The following SHROOM3 variants were observed in gnomAD, a reference collection of about 807,000 sequenced individuals.
SHROOM3 encodes shroom family member 3.
In SHROOM3, 47 loss-of-function variants were observed where a neutral mutation model predicts 138.6. That is an observed-to-expected ratio of 0.34 (90% confidence interval 0.27 to 0.43). The LOEUF is 0.43. Among genes scored for constraint, SHROOM3 ranks in the 20% least tolerant of loss-of-function variants. SHROOM3 has a pLI of 1.00. For missense variants in SHROOM3, 2,491 were observed against 2,596.5 expected (o/e 0.96, Z 0.88); for synonymous variants, 1,062 against 1,063.3 (o/e 1.00, Z 0.02).
rs1299193335 is a variant in SHROOM3 at position 76,763,560 on chromosome 4, G to A, written c.5349+3865G>A. Among the ~76,000 whole-genome samples, 3 of 151,812 alleles carry A rather than the reference G, an allele frequency of 2.0e-5. No individual in the cohort carries two copies. The East Asian group carries it at 5.8e-4, about 29-fold the overall frequency. ...AGCCTGAGTGACAGAGTGAGACCCT[G>A]TCTCAAAAAAGAAAAAAAAATTACC... On this transcript the variant is annotated intron_variant, in intron 9 of 10. Transcript: ENST00000296043.
chr4:76,776,374 G>C (rs2109798298), intron 10 of SHROOM3, among the ~76,000 whole-genome samples: 1 of 152,278 alleles, frequency 6.6e-6, no homozygotes, highest in Non-Finnish European at 1.5e-5. Flanking sequence ...AGTTTGCAAA[G>C]ATTTTCTCCC....
chr4:76,600,978 A>G (rs1734493282), intron 2 of SHROOM3, among the ~76,000 whole-genome samples: 1 of 152,218 alleles, frequency 6.6e-6, no homozygotes, highest in Middle Eastern at 3.2e-3. Context: ...CTGTATTTTT[A>G]TACTACTCTA....
At chr4:76,710,369 G>T (rs1720196127) in intron 3 of SHROOM3, 82 bp downstream of exon 3, 18 of 1,550,570 alleles carry the variant, frequency 1.2e-5, no homozygotes, top group Admixed American at 1.8e-5. Context: ...GAGAGGAGTC[G>T]GGGGCAAGGA....
chr4:76,707,319 T>C (rs989255481), intron 2 of SHROOM3, among the ~76,000 whole-genome samples: 6 of 152,204 alleles, frequency 3.9e-5, no homozygotes, highest in Non-Finnish European at 7.3e-5. Flanking sequence ...ATTCCATGTG[T>C]GGTTTGAGCA....
Position 76,739,404 on chromosome 4 carries a change from C to T in SHROOM3, c.1231C>T (p.Arg411Trp), listed in dbSNP as rs143726434. ...CTCCTGGTCTAGCCTTGATCAGAAA[C>T]GGCTCTGCCGGCCTCAGGCAAACTC... ...PSSWSSLDQKRLCRPQANSLG... is the reference protein window; with the variant it reads ...PSSWSSLDQKWLCRPQANSLG... Residue 411 changes from arginine to tryptophan, a missense_variant, in exon 5 of 11, where the codon CGG (arginine) becomes TGG (tryptophan). By Grantham distance (101) the Arg-to-Trp change is moderately radical. Coordinates refer to ENST00000296043, the MANE Select transcript of SHROOM3 (RefSeq NM_020859.4). The T allele has an allele frequency of 1.5e-5, 24 of 1,614,136 alleles. No homozygotes were observed. The highest frequency in any genetic ancestry group is 3.3e-5 in the Admixed American group (2 of 60,034).
At chr4:76,668,788 G>A (rs1718795146) in intron 2 of SHROOM3, among the ~76,000 whole-genome samples, 1 of 152,182 alleles carries the variant, frequency 6.6e-6, no homozygotes, top group African/African-American at 2.4e-5. Flanking sequence ...CAGAGGGGAG[G>A]TGTCTACTGA....
chr4:76,480,341 C>T (rs1171561980), intron 1 of SHROOM3, among the ~76,000 whole-genome samples: 1 of 152,104 alleles, frequency 6.6e-6, no homozygotes, highest in Non-Finnish European at 1.5e-5. Context: ...GGGTTGCAAT[C>T]CTAGTCTCTG....
Position 76,740,547 on chromosome 4 carries a change from G to T in SHROOM3, c.2374G>T (p.Glu792Ter). 1 of 1,614,158 alleles carries T rather than the reference G, an allele frequency of 6.2e-7. No homozygotes were observed. Residue 792 changes from glutamate to a stop codon, truncating the protein, a stop_gained, in exon 5 of 11, where the codon GAG becomes TAG. Coordinates refer to ENST00000296043, the MANE Select transcript of SHROOM3 (RefSeq NM_020859.4). LOFTEE classifies it high-confidence loss of function. The surrounding 1 kb of genome is among the most constrained non-coding windows in gnomAD (Gnocchi z 4.0). ...LEKVSKFEQREQGSQRPSVGG... is the reference protein window; with the variant it reads ...LEKVSKFEQR ...GAAGGTCTCCAAATTCGAGCAGCGA[G>T]AGCAAGGGAGCCAGAGACCGAGTGT...
chr4:76,601,468 C>T (rs1577911261), intron 2 of SHROOM3, among the ~76,000 whole-genome samples: 1 of 152,248 alleles, frequency 6.6e-6, no homozygotes, highest in East Asian at 1.9e-4. Context: ...AATTAGCCAT[C>T]CTGTTAATTG....
intron 2 of SHROOM3, among the ~76,000 whole-genome samples, chr4:76,707,646 G>C (rs1720096027): frequency 6.6e-6 from 1 of 152,088 alleles, no homozygotes; most frequent in South Asian, 2.1e-4. Context: ...CAATGTACAG[G>C]TAAGGTATTC....
chr4:76,759,733 C>T (rs1357248804), intron 9 of SHROOM3, 38 bp downstream of exon 9: 1 of 1,600,842 alleles, frequency 6.2e-7, no homozygotes, highest in East Asian at 2.3e-5. Flanking sequence ...CAGCTTTCCT[C>T]AGAAAAATTG....
intron 1 of SHROOM3, among the ~76,000 whole-genome samples, chr4:76,445,837 T>G (rs1190868046): frequency 6.6e-6 from 1 of 152,188 alleles, no homozygotes; most frequent in Non-Finnish European, 1.5e-5. Context: ...CTCCCTCTCA[T>G]GTACATTTCT....
Position 76,730,745 on chromosome 4 carries a change from T to C in SHROOM3, c.456-59T>C. ...CTTCCAAATCCACAAGTCACATCAG[T>C]GAGGAGACTCAGCTGAGACTTTGGC... is the stretch of plus-strand genomic sequence containing the variant. On this transcript the variant is annotated intron_variant, in intron 3 of 10. Transcript: ENST00000296043. The C allele has an allele frequency of 1.9e-6, 3 of 1,609,764 alleles. No individual in the cohort carries two copies. In the South Asian group the frequency reaches 3.3e-5, roughly 18 times the overall value.
At chr4:76,478,212 A>T (rs990130994) in intron 1 of SHROOM3, among the ~76,000 whole-genome samples, 2 of 152,210 alleles carry the variant, frequency 1.3e-5, no homozygotes, top group South Asian at 4.1e-4. Flanking sequence ...GAGCCCAGCA[A>T]GCTAAGATCC....
intron 1 of SHROOM3, among the ~76,000 whole-genome samples, chr4:76,531,964 T>A (rs1732837186): frequency 6.6e-6 from 1 of 151,694 alleles, no homozygotes; most frequent in Non-Finnish European, 1.5e-5. Flanking sequence ...ACGTGCAGGT[T>A]TGTTACATAT....
chr4:76,646,225 A>AATAAATAAATATATATATGTATATATAT (rs61374645), intron 2 of SHROOM3, among the ~76,000 whole-genome samples: 1 of 96,268 alleles, frequency 1.0e-5, no homozygotes. Context: ...ATAATAAATA[A>AATAAATAAATATATATATGTATATATAT]ATATATATAT....
chr4:76,492,949 G>A (rs1579191694), intron 1 of SHROOM3, among the ~76,000 whole-genome samples: 1 of 152,038 alleles, frequency 6.6e-6, no homozygotes, highest in East Asian at 1.9e-4. Context: ...AGTTGGGCAC[G>A]GTGGCTCACG....
chr4:76,566,980 G>T (rs1733737909), intron 2 of SHROOM3, among the ~76,000 whole-genome samples: 1 of 152,228 alleles, frequency 6.6e-6, no homozygotes, highest in Admixed American at 6.5e-5. Flanking sequence ...GTATTACCTA[G>T]TCTAGAGGCC....
At chr4:76,649,876 C>T (rs1560579759) in intron 2 of SHROOM3, among the ~76,000 whole-genome samples, 1 of 152,128 alleles carries the variant, frequency 6.6e-6, no homozygotes, top group Non-Finnish European at 1.5e-5. Flanking sequence ...GCAGCCATAA[C>T]AAAATACCAC....
Sources: gnomAD v4.1 joint callset for allele counts (sites outside exome capture counted in the v4.1 genomes callset) on GRCh38, gnomAD v4.1.1 for gene constraint, Gnocchi (gnomAD v3.1) non-coding constraint, MANE v1.5 for transcripts, NCBI Gene and HGNC (gene_info 2026-07-23, HGNC 2026-07-21) for gene names.